Variants in PDZD4 observed in about 807,000 individuals in gnomAD.
The protein encoded by PDZD4 is PDZ domain containing 4.
PDZD4 carries 9 observed loss-of-function variants against 38.5 expected under a neutral mutation model. That is an observed-to-expected ratio of 0.23 (90% CI 0.14 to 0.41). The LOEUF (loss-of-function observed/expected upper bound fraction) is 0.41, where lower values mean the gene tolerates loss of function less well. PDZD4 is among the 10% of genes least tolerant of loss of function. The pLI, the probability that PDZD4 is intolerant of heterozygous loss-of-function variation, is 1.00. For missense variants in PDZD4, 612 were observed against 722.0 expected, an observed-to-expected ratio of 0.85 and a Z score of 1.75; for synonymous variants, 349 against 315.7, an observed-to-expected ratio of 1.11 and a Z score of -1.12.
At chrX:153,823,834 G>A (rs2064453148) in intron 1 of PDZD4, among the ~76,000 whole-genome samples, 2 of 112,608 alleles carry the variant, frequency 1.8e-5, no homozygotes, top group Admixed American at 9.4e-5. Flanking sequence ...GCCATGCAGC[G>A]ACTTGCCCCT....
intron 1 of PDZD4, among the ~76,000 whole-genome samples, chrX:153,817,586 G>A (rs1557080277): frequency 8.9e-6 from 1 of 112,088 alleles, no homozygotes; most frequent in African/African-American, 3.2e-5. Flanking sequence ...GTCCCTTTTG[G>A]GGCGATGAAC....
rs375303161 is a variant in PDZD4 at position 153,803,743 on chromosome X, G to T, written c.1938C>A (p.Pro646=). The T allele has an allele frequency of 3.3e-6, 4 of 1,209,123 alleles. No homozygotes were observed. Among genetic ancestry groups the T allele is most frequent in the Non-Finnish European group, 3.4e-6 (3 of 895,413 alleles). ...SDGTRYVAKR[P]VRDRLLKARA... The stretch of plus-strand genomic sequence containing the variant: ...GGGCTTTCAGCAGCCGATCTCGCAC[G>T]GGCCGCTTGGCCACGTAGCGGGTTC... The change falls in exon 8 of 8, where the codon CCC becomes CCA. Residue 646 remains proline, a synonymous_variant. Transcript: ENST00000393758.
intron 1 of PDZD4, among the ~76,000 whole-genome samples, chrX:153,820,027 C>G (rs899053094): frequency 3.6e-5 from 4 of 111,804 alleles, no homozygotes; most frequent in Non-Finnish European, 7.5e-5. Flanking sequence ...AGCTGTCCCG[C>G]TAACACCCTT....
At chrX:153,821,470 A>C (rs1167163950) in intron 1 of PDZD4, among the ~76,000 whole-genome samples, 2 of 109,985 alleles carry the variant, frequency 1.8e-5, no homozygotes, top group Non-Finnish European at 3.8e-5. Context: ...AAAAAAAAAA[A>C]ACAAAACAAA....
At chrX:153,808,853 G>A (rs1366322582) in intron 1 of PDZD4, among the ~76,000 whole-genome samples, 1 of 113,127 alleles carries the variant, frequency 8.8e-6, no homozygotes, top group Non-Finnish European at 1.9e-5. Context: ...CCCAGCCTCT[G>A]TGCACTGGGT....
At chrX:153,807,443 G>A (rs903059190) in intron 2 of PDZD4, 74 bp from the exon 3 acceptor site, 366 of 1,022,362 alleles carry the variant, frequency 3.6e-4, no homozygotes, top group Non-Finnish European at 4.5e-4. Flanking sequence ...CAGGCAGGCC[G>A]ATCCCAGCGT....
rs376192609 is a variant in PDZD4, at chrX:153,805,778, G to A, written c.568-172C>T. Among the ~76,000 whole-genome samples, 22 of 112,507 alleles carry A rather than the reference G, an allele frequency of 2.0e-4. 4 individuals are homozygous for A. Among genetic ancestry groups the A allele is most frequent in the East Asian group, 5.6e-4 (2 of 3,556 alleles). On this transcript the variant is annotated intron_variant, in intron 5 of 7. Transcript: ENST00000393758. ...CCAGGGAGAGGGCGGCCTGACTCTT[G>A]CAAGAGCAAATGTGTGCTCAGGAGA...
intron 1 of PDZD4, among the ~76,000 whole-genome samples, chrX:153,820,937 T>G (rs2001007): frequency 0.046 from 5,159 of 112,186 alleles, 293 homozygotes; most frequent in African/African-American, 0.16. Context: ...GGGTAATATT[T>G]GGAGACTTTG....
chrX:153,817,456 G>T (rs1444876075), intron 1 of PDZD4, among the ~76,000 whole-genome samples: 1 of 111,378 alleles, frequency 9.0e-6, no homozygotes, highest in Non-Finnish European at 1.9e-5. Flanking sequence ...ATGAACGACC[G>T]GCACACACGA....
intron 1 of PDZD4, among the ~76,000 whole-genome samples, chrX:153,815,321 G>C (rs2064350273): frequency 8.9e-6 from 1 of 112,381 alleles, no homozygotes; most frequent in African/African-American, 3.2e-5. Flanking sequence ...CATCCTGCTT[G>C]GGACAGCCCA....
intron 1 of PDZD4, among the ~76,000 whole-genome samples, chrX:153,816,613 G>A (rs782424073): frequency 2.6e-4 from 29 of 111,727 alleles, no homozygotes; most frequent in African/African-American, 8.8e-4. Context: ...CCCCCATCCC[G>A]TTCCGCTCCC....
intron 1 of PDZD4, among the ~76,000 whole-genome samples, chrX:153,812,825 C>T (rs1364143809): frequency 9.1e-6 from 1 of 109,431 alleles, no homozygotes; most frequent in Non-Finnish European, 1.9e-5. Context: ...CCCCGCCCCA[C>T]CCCCAACCAT....
Position 153,804,406 on chromosome X carries a change from C to A in PDZD4, c.1275G>T (p.Ala425=), listed in dbSNP as rs782730869. 1.7e-6 allele frequency: 2 copies of A among 1,209,809 alleles called. No homozygotes were observed. Among genetic ancestry groups the A allele is most frequent in the South Asian group, 3.5e-5 (2 of 57,031 alleles). The part of the protein sequence containing the change: ...LEFKCRNILR[A]QKMQQLRERC... ...GCTCACGCAGCTGCTGCATCTTCTG[C>A]GCCCGCAGTATGTTGCGGCACTTGA... The change falls in exon 8 of 8, where the codon GCG becomes GCT. Residue 425 remains alanine (A), a synonymous_variant. Transcript: ENST00000393758.
chrX:153,830,310 G>C lies in PDZD4; in HGVS notation c.-12C>G, dbSNP rs782130574. The stretch of plus-strand genomic sequence containing the variant: ...ATATTACATCCCATGTTGCTGGCCG[G>C]CGAGAGGAGGCGGAGGGCGGGAACG... On this transcript the variant is annotated 5_prime_UTR_variant, in exon 1 of 8. Transcript: ENST00000393758. 3.3e-6 allele frequency: 4 copies of C among 1,196,256 alleles called. No individual in the cohort carries two copies. The highest frequency in any genetic ancestry group is 4.5e-6 in the Non-Finnish European group (4 of 887,660).
At position 153,816,926 on chromosome X, in the gene PDZD4, A is replaced by G. The variant is rs1054430034; in HGVS notation, c.61-8331T>C. On this transcript the variant is annotated intron_variant, in intron 1 of 7. Transcript: ENST00000393758. The stretch of plus-strand genomic sequence containing the variant: ...TGGGTTTTAGAGGTAGGCTGCCAGG[A>G]CCTGCTGTTGGGCTGGGGGCAAGGG... Among the ~76,000 whole-genome samples the G allele has an allele frequency of 2.7e-5, 3 of 111,083 alleles. No homozygotes were observed. The Admixed American group carries it at 2.9e-4, about 11-fold the overall frequency.
intron 5 of PDZD4, 25 bp downstream of exon 5, chrX:153,806,046 A>G (rs984539178): frequency 1.2e-5 from 14 of 1,210,113 alleles, no homozygotes; most frequent in Middle Eastern, 2.3e-4. Context: ...GCCTTGGGCC[A>G]GGCCTGCAGC....
chrX:153,823,341 C>T (rs1174688855), intron 1 of PDZD4, among the ~76,000 whole-genome samples: 2 of 110,418 alleles, frequency 1.8e-5, no homozygotes, highest in East Asian at 2.8e-4. Context: ...GCCTCAGCCT[C>T]CCGCGTACCT....
At chrX:153,818,910 G>A (rs1281428177) in intron 1 of PDZD4, among the ~76,000 whole-genome samples, 1 of 109,623 alleles carries the variant, frequency 9.1e-6, no homozygotes, top group Non-Finnish European at 1.9e-5. Context: ...AGGGGAGGGG[G>A]CAACACCGGG....
At chrX:153,811,727 A>G (rs1557078787) in intron 1 of PDZD4, among the ~76,000 whole-genome samples, 1 of 112,713 alleles carries the variant, frequency 8.9e-6, no homozygotes, top group African/African-American at 3.2e-5. Context: ...CTTTCAGCCA[A>G]GAAGGTATTT....
Sources: allele counts gnomAD v4.1 joint callset (sites outside exome capture counted in the v4.1 genomes callset), GRCh38; gene constraint gnomAD v4.1.1; transcripts MANE v1.5; gene names NCBI Gene and HGNC (gene_info 2026-07-23, HGNC 2026-07-21).